Variants in FMR1NB observed in about 807,000 individuals in gnomAD.
FMR1NB encodes the protein FMR1 neighbor.
Under a neutral mutation model 16.8 loss-of-function variants are expected in FMR1NB, and 10 were observed. The observed-to-expected ratio is 0.60, with a 90% CI of 0.37 to 1.01. FMR1NB has a LOEUF of 1.01. FMR1NB is among the 50% of genes least tolerant of loss of function. FMR1NB has a pLI of 0.01. For missense variants in FMR1NB, 205 were observed against 204.8 expected (o/e 1.00, Z 0.00); for synonymous variants, 83 against 79.1 (o/e 1.05, Z -0.26).
chrX:148,006,937 C>G, intron 3 of FMR1NB, 95 bp downstream of exon 3: 1 of 935,764 alleles, frequency 1.1e-6, no homozygotes. Flanking sequence ...TAGCTTAATA[C>G]TTAAATGGGA....
At chrX:147,985,465 C>T in intron 1 of FMR1NB, among the ~76,000 whole-genome samples, 1 of 111,099 alleles carries the variant, frequency 9.0e-6, no homozygotes, top group Non-Finnish European at 1.9e-5. Context: ...CTCTCCCTCC[C>T]CTTTCCCCCA....
intron 1 of FMR1NB, 54 bp from the exon 2 acceptor site, chrX:148,003,147 T>C (rs2044579117): frequency 1.7e-6 from 2 of 1,149,911 alleles, no homozygotes; most frequent in African/African-American, 3.6e-5. Flanking sequence ...CAAGGGTCAT[T>C]GAAAGTGATA....
chrX:148,024,401 C>T (rs2044693537), intron 4 of FMR1NB, among the ~76,000 whole-genome samples: 1 of 111,555 alleles, frequency 9.0e-6, no homozygotes, highest in Non-Finnish European at 1.9e-5. Flanking sequence ...CAAGGAGGTA[C>T]GAGATTGTAT....
intron 3 of FMR1NB, among the ~76,000 whole-genome samples, chrX:148,007,919 G>T (rs1002794766): frequency 1.1e-4 from 12 of 111,511 alleles, no homozygotes; most frequent in African/African-American, 3.9e-4. Flanking sequence ...TTATCAGTTT[G>T]GTCTTTATAT....
chrX:148,000,960 T>C (rs1273281140), intron 1 of FMR1NB, among the ~76,000 whole-genome samples: 1 of 112,023 alleles, frequency 8.9e-6, no homozygotes, highest in Admixed American at 9.5e-5. Context: ...ATAATATTAT[T>C]GTCTATCTGG....
At chrX:147,981,713 T>G (rs868917026) in intron 1 of FMR1NB, 34 bp downstream of exon 1, 5 of 66,459 alleles carry the variant, frequency 7.5e-5, no homozygotes, top group South Asian at 4.2e-4. Context: ...AGGGAAATGC[T>G]GGGGGAGGGG....
intron 1 of FMR1NB, among the ~76,000 whole-genome samples, chrX:147,986,800 C>T (rs983203909): frequency 9.0e-6 from 1 of 111,547 alleles, no homozygotes; most frequent in African/African-American, 3.3e-5. Flanking sequence ...CTTGGTTACA[C>T]GGGCTCTTTT....
chrX:147,989,554 G>T (rs953139782), intron 1 of FMR1NB, among the ~76,000 whole-genome samples: 3 of 112,045 alleles, frequency 2.7e-5, no homozygotes, highest in African/African-American at 9.8e-5. Flanking sequence ...CTCCTTGTCA[G>T]GGTCCACTGC....
intron 1 of FMR1NB, among the ~76,000 whole-genome samples, chrX:147,992,135 G>A (rs1203956331): frequency 2.7e-5 from 3 of 110,524 alleles, no homozygotes. Context: ...CCACAAAGCT[G>A]CCATTGTCAT....
intron 3 of FMR1NB, 35 bp from the exon 4 acceptor site, chrX:148,008,583 G>C (rs1557189346): frequency 8.6e-7 from 1 of 1,163,032 alleles, no homozygotes; most frequent in Non-Finnish European, 1.2e-6. Flanking sequence ...TCTTGCTTAA[G>C]TCATGAAAGT....
At chrX:148,008,929 C>T (rs2044610254) in intron 4 of FMR1NB, among the ~76,000 whole-genome samples, 1 of 111,638 alleles carries the variant, frequency 9.0e-6, no homozygotes, top group African/African-American at 3.3e-5. Context: ...CCTGTAATCC[C>T]AGCACTTTGG....
At chrX:147,994,514 G>T (rs782436319) in intron 1 of FMR1NB, among the ~76,000 whole-genome samples, 1 of 112,147 alleles carries the variant, frequency 8.9e-6, no homozygotes, top group Non-Finnish European at 1.9e-5. Flanking sequence ...AAACACCAAA[G>T]TATTTCTGAA....
intron 4 of FMR1NB, among the ~76,000 whole-genome samples, chrX:148,021,720 A>G (rs1603088517): frequency 1.8e-5 from 2 of 110,405 alleles, no homozygotes; most frequent in Admixed American, 1.9e-4. Flanking sequence ...TCAAAACTGA[A>G]CCTCTGAATC....
chrX:147,999,357 G>A (rs1216392196), intron 1 of FMR1NB, among the ~76,000 whole-genome samples: 1 of 111,764 alleles, frequency 8.9e-6, no homozygotes, highest in Non-Finnish European at 1.9e-5. Context: ...CAAACAAACA[G>A]CAATATGGAA....
At chrX:147,991,919 A>G (rs1224284782) in intron 1 of FMR1NB, among the ~76,000 whole-genome samples, 8 of 108,991 alleles carry the variant, frequency 7.3e-5, no homozygotes, top group Middle Eastern at 4.7e-3. Context: ...CACCGCCCTT[A>G]ATCCATTTAA....
chrX:148,003,260 G>A lies in FMR1NB; in HGVS notation c.337G>A (p.Gly113Ser), dbSNP rs1417085116. The stretch of plus-strand genomic sequence containing the variant: ...CCTGCCCAACAGTGAAAATGCTCAT[G>A]GCCAATCTCTGGAAGAAGATTCCGC... ...HILPNSENAHGQSLEEDSALE... is the reference protein window; with the variant it reads ...HILPNSENAHSQSLEEDSALE... The change falls in exon 2 of 6, where the codon GGC becomes AGC. Residue 113 changes from glycine (G) to serine (S), a missense_variant. Coordinates refer to ENST00000370467, the MANE Select transcript of FMR1NB (RefSeq NM_152578.3). 8.3e-7 allele frequency: 1 copy of A among 1,208,853 alleles called. No individual in the cohort carries two copies. Among genetic ancestry groups the A allele is most frequent in the African/African-American group, 1.7e-5 (1 of 57,288 alleles).
chrX:148,012,920 G>A (rs1004011727), intron 4 of FMR1NB, among the ~76,000 whole-genome samples: 11 of 111,850 alleles, frequency 9.8e-5, no homozygotes, highest in South Asian at 3.7e-4. Flanking sequence ...AGTAATTAGC[G>A]AACTACTGGA....
intron 1 of FMR1NB, among the ~76,000 whole-genome samples, chrX:147,993,294 C>G (rs972829680): frequency 1.8e-5 from 2 of 111,935 alleles, no homozygotes; most frequent in African/African-American, 6.5e-5. Flanking sequence ...CAATCGCAGG[C>G]ATTCGGCAGA....
At chrX:147,986,406 C>A (rs1213454992) in intron 1 of FMR1NB, among the ~76,000 whole-genome samples, 2 of 112,027 alleles carry the variant, frequency 1.8e-5, no homozygotes, top group Non-Finnish European at 3.8e-5. Flanking sequence ...TGCCTCTGTC[C>A]TGAATGGTAT....
Sources: gnomAD v4.1 joint callset for allele counts (sites outside exome capture counted in the v4.1 genomes callset) on GRCh38, gnomAD v4.1.1 for gene constraint, MANE v1.5 for transcripts, NCBI Gene and HGNC (gene_info 2026-07-23, HGNC 2026-07-21) for gene names.